SERPINB9: variants seen among roughly 807,000 people sequenced by gnomAD.
The protein encoded by SERPINB9 is serpin family B member 9.
Under a neutral mutation model 27.2 loss-of-function variants are expected in SERPINB9, and 20 were observed. The observed-to-expected ratio is 0.74, with a 90% CI of 0.52 to 1.07. The LOEUF (loss-of-function observed/expected upper bound fraction) is 1.07. Among genes scored for constraint, SERPINB9 ranks in the 50% least tolerant of loss-of-function variants. The pLI is 0.00. For synonymous variants in SERPINB9, 189 were observed against 180.0 expected, an observed-to-expected ratio of 1.05 and a Z score of -0.40; for missense variants, 476 against 460.1, an observed-to-expected ratio of 1.03 and a Z score of -0.32.
In SERPINB9 at chr6:2,892,018, T is replaced by G. The variant is rs1486720245; in HGVS notation, c.568-30A>C. ...GGGAAGGATTATTGAAAGACGCAATTAAAACTTTCAAAAGAGCTGCAGTTG... is the reference window on the plus strand; with the variant it reads ...GGGAAGGATTATTGAAAGACGCAATGAAAACTTTCAAAAGAGCTGCAGTTG... On this transcript the variant is annotated intron_variant, in intron 5 of 6. Coordinates refer to ENST00000380698, the MANE Select transcript of SERPINB9 (RefSeq NM_004155.6). 4 of 1,581,976 alleles carry G rather than the reference T, an allele frequency of 2.5e-6. No homozygotes were observed. The Admixed American group carries it at 6.9e-5, about 27-fold the overall frequency.
chr6:2,893,101 G>C (rs1435636316), intron 5 of SERPINB9, among the ~76,000 whole-genome samples: 2 of 108,888 alleles, frequency 1.8e-5, no homozygotes, highest in Non-Finnish European at 3.9e-5. Context: ...TGGGCTTATA[G>C]GAAGATCTTT....
At chr6:2,900,005 A>G (rs1478752880) in intron 2 of SERPINB9, 1 of 448,486 alleles carries the variant, frequency 2.2e-6, no homozygotes, top group East Asian at 7.0e-5. Context: ...CTTCTTGCAA[A>G]TTTCTGTTGA....
In SERPINB9 at chr6:2,893,540, C is replaced by A; in HGVS notation, c.438G>T (p.Glu146Asp). Residue 146 changes from glutamate (E) to aspartate (D), a missense_variant, in exon 5 of 7, where the codon GAG (glutamate) becomes GAT (aspartate). Physicochemically the swap from Glu to Asp is conservative, Grantham distance 45. Coordinates refer to ENST00000380698, the MANE Select transcript of SERPINB9 (RefSeq NM_004155.6). The part of the protein sequence containing the change: ...VSKKTEGKIE[E>D]LLPGSSIDAE... ...CATCAATTGAGCTACCCGGCAACAACTCTTCAATTTTACCTTTCAAGAAAA... is the reference window on the plus strand; with the variant it reads ...CATCAATTGAGCTACCCGGCAACAAATCTTCAATTTTACCTTTCAAGAAAA... The A allele has an allele frequency of 6.2e-7, 1 of 1,611,870 alleles. No homozygotes were observed. The highest frequency in any genetic ancestry group is 2.2e-5 in the East Asian group (1 of 44,776).
intron 5 of SERPINB9, 29 bp from the exon 6 acceptor site, chr6:2,892,017 T>C: frequency 3.2e-6 from 5 of 1,582,328 alleles, no homozygotes; most frequent in Non-Finnish European, 4.3e-6. Context: ...AAAGACGCAA[T>C]TAAAACTTTC....
At chr6:2,898,740 G>T (rs530508280) in intron 2 of SERPINB9, among the ~76,000 whole-genome samples, 1 of 152,088 alleles carries the variant, frequency 6.6e-6, no homozygotes, top group South Asian at 2.1e-4. Context: ...TGTGAACTCG[G>T]GGGGTGGAGC....
Position 2,894,831 on chromosome 6 carries a change from G to A in SERPINB9, c.424+560C>T, listed in dbSNP as rs1767936558. Among the ~76,000 whole-genome samples, 1 of 151,934 alleles carries A rather than the reference G, an allele frequency of 6.6e-6. No individual in the cohort carries two copies. The highest frequency in any genetic ancestry group is 2.1e-4 in the South Asian group (1 of 4,832). ...ATGATCTCAGCTCACTACAACTTCT[G>A]CCTCCCAGGTTCAAGTGATTCTCAT... On this transcript the variant is annotated intron_variant, in intron 4 of 6. Transcript: ENST00000380698. This position sits in a 1 kb window ranked among gnomAD's most constrained non-coding sequence, Gnocchi z 4.7.
chr6:2,901,518 TA>T (rs1768201713), intron 1 of SERPINB9, among the ~76,000 whole-genome samples: 1 of 151,658 alleles, frequency 6.6e-6, no homozygotes. Context: ...AGGTGAGGAG[TA>T]AAACAGGCGA....
chr6:2,894,651 G>A lies in SERPINB9; in HGVS notation c.424+740C>T, dbSNP rs757121463. Among the ~76,000 whole-genome samples, 15 of 152,158 alleles carry A rather than the reference G, an allele frequency of 9.9e-5. No individual in the cohort carries two copies. Among genetic ancestry groups the A allele is most frequent in the East Asian group, 1.9e-4 (1 of 5,198 alleles). ...AGATCTGTCCACCAATCTCCTTCTCGCAGAGACAATGGAGTCACCTGACAT... is the reference window on the plus strand; with the variant it reads ...AGATCTGTCCACCAATCTCCTTCTCACAGAGACAATGGAGTCACCTGACAT... On this transcript the variant is annotated intron_variant, in intron 4 of 6. Transcript: ENST00000380698. The surrounding 1 kb of genome is among the most constrained non-coding windows in gnomAD (Gnocchi z 4.7).
chr6:2,900,732 C>A (rs910878816), intron 1 of SERPINB9, 111 bp from the exon 2 acceptor site: 1 of 982,704 alleles, frequency 1.0e-6, no homozygotes, highest in Non-Finnish European at 1.5e-6. Flanking sequence ...TCTTAAAGTT[C>A]GTAAGTATTT....
chr6:2,895,442 C>A lies in SERPINB9; in HGVS notation c.373G>T (p.Ala125Ser), dbSNP rs534113155. 4.3e-6 allele frequency: 7 copies of A among 1,613,812 alleles called. No individual in the cohort carries two copies. The Admixed American group carries it at 6.7e-5, about 15-fold the overall frequency. Residue 125 changes from alanine to serine, a missense_variant, in exon 4 of 7, where the codon GCA becomes TCA. Transcript: ENST00000380698. Reference sequence around the variant, plus strand: ...TTGATGTGTTTCCTGGACTCTTCTGCAGCTCTGATAAAGGAAAGCTCCTTC... The same window carrying A: ...TTGATGTGTTTCCTGGACTCTTCTGAAGCTCTGATAAAGGAAAGCTCCTTC... ...ELKELSFIRA[A>S]EESRKHINTW... is the part of the protein sequence containing the mutation.
In SERPINB9 at chr6:2,894,944, G is replaced by T. The variant is rs940127831; in HGVS notation, c.424+447C>A. ...ATTTTTAGTAGAGATGTTGGGCGGGGGGGGGTCCCACCATGTTGGTCAGGC... is the reference window on the plus strand; with the variant it reads ...ATTTTTAGTAGAGATGTTGGGCGGGTGGGGGTCCCACCATGTTGGTCAGGC... On this transcript the variant is annotated intron_variant, in intron 4 of 6. Coordinates refer to ENST00000380698, the MANE Select transcript of SERPINB9 (RefSeq NM_004155.6). The surrounding 1 kb of genome is among the most constrained non-coding windows in gnomAD (Gnocchi z 4.7). 5.9e-5 allele frequency among the ~76,000 whole-genome samples: 9 copies of T among 151,568 alleles called. No individual in the cohort carries two copies. The highest frequency in any genetic ancestry group is 1.7e-4 in the African/African-American group (7 of 41,214).
chr6:2,896,887 C>G (rs1032001279), intron 2 of SERPINB9, among the ~76,000 whole-genome samples: 1 of 152,024 alleles, frequency 6.6e-6, no homozygotes, highest in Non-Finnish European at 1.5e-5. Flanking sequence ...TGCCTATAAT[C>G]CCAGCACTTT....
chr6:2,900,745 A>G (rs1473558971), intron 1 of SERPINB9, 124 bp from the exon 2 acceptor site: 6 of 884,798 alleles, frequency 6.8e-6, no homozygotes, highest in African/African-American at 1.7e-5. Context: ...AAGTATTTTA[A>G]ATTGGAGAAA....
At position 2,891,676 on chromosome 6, in the gene SERPINB9, G is replaced by T. The variant is rs1767802317; in HGVS notation, c.723+157C>A. ...GATCACGCAGACAATATTGGGAAAAGTCAGCCTTGAACAAAAGTTCGATCC... is the reference window on the plus strand; with the variant it reads ...GATCACGCAGACAATATTGGGAAAATTCAGCCTTGAACAAAAGTTCGATCC... On this transcript the variant is annotated intron_variant, in intron 6 of 6. Coordinates refer to ENST00000380698, the MANE Select transcript of SERPINB9 (RefSeq NM_004155.6). The surrounding 1 kb of genome is among the most constrained non-coding windows in gnomAD (Gnocchi z 4.0). Among the ~76,000 whole-genome samples, 1 of 152,176 alleles carries T rather than the reference G, an allele frequency of 6.6e-6. No individual in the cohort carries two copies. The highest frequency in any genetic ancestry group is 1.5e-5 in the Non-Finnish European group (1 of 68,044).
chr6:2,902,152 A>G (rs1261169834), intron 1 of SERPINB9, among the ~76,000 whole-genome samples: 2 of 151,766 alleles, frequency 1.3e-5, no homozygotes, highest in Non-Finnish European at 2.9e-5. Flanking sequence ...CCCAAAGTCA[A>G]CTCTTCACAA....
intron 2 of SERPINB9, 48 bp from the exon 3 acceptor site, chr6:2,896,238 G>A (rs777442587): frequency 1.3e-6 from 2 of 1,580,368 alleles, no homozygotes; most frequent in East Asian, 2.2e-5. Flanking sequence ...CTCTTTGATG[G>A]CTGGGGAGAG....
chr6:2,900,096 T>C (rs1261753366), intron 2 of SERPINB9: 2 of 367,562 alleles, frequency 5.4e-6, no homozygotes, highest in African/African-American at 4.2e-5. Flanking sequence ...AGTTACAAAG[T>C]CTCTTGCTCC....
chr6:2,896,465 C>A (rs1158125275), intron 2 of SERPINB9, among the ~76,000 whole-genome samples: 1 of 151,496 alleles, frequency 6.6e-6, no homozygotes. Context: ...AAAAAAGATG[C>A]AGTTAAAAAG....
At position 2,900,602 on chromosome 6, in the gene SERPINB9, G is replaced by C. The variant is rs374744357; in HGVS notation, c.10C>G (p.Leu4Val). ...GCAAAAGTACCACTTGCATTAGAAA[G>C]AGTTTCCATGATGCAGGGCCTGGAA... METLSNASGTFAIR... is the reference protein window; with the variant it reads METVSNASGTFAIR... Residue 4 changes from leucine (L) to valine (V), a missense_variant, in exon 2 of 7, where the codon CTT (leucine) becomes GTT (valine). Physicochemically the swap from Leu to Val is conservative, Grantham distance 32. Transcript: ENST00000380698. 5.0e-6 allele frequency: 8 copies of C among 1,614,098 alleles called. No homozygotes were observed. The highest frequency in any genetic ancestry group is 6.8e-6 in the Non-Finnish European group (8 of 1,179,978).
Sources: gnomAD v4.1 joint callset for allele counts (sites outside exome capture counted in the v4.1 genomes callset) on GRCh38, gnomAD v4.1.1 for gene constraint, Gnocchi (gnomAD v3.1) non-coding constraint, MANE v1.5 for transcripts, NCBI Gene and HGNC (gene_info 2026-07-23, HGNC 2026-07-21) for gene names.